Variants in CRIP3 observed in about 807,000 individuals in gnomAD.
The protein encoded by CRIP3 is cysteine-rich protein 3.
CRIP3 carries 23 observed loss-of-function variants against 30.3 expected under a neutral mutation model. The ratio of observed to expected loss-of-function variants is 0.76; its 90% CI spans 0.55 to 1.08. CRIP3 has a LOEUF of 1.08. CRIP3 is among the 50% of genes least tolerant of loss of function. The pLI, the probability that CRIP3 is intolerant of heterozygous loss-of-function variation, is 0.00. For synonymous variants in CRIP3, 89 were observed against 97.6 expected, an observed-to-expected ratio of 0.91 and a Z score of 0.52; for missense variants, 261 against 259.3, an observed-to-expected ratio of 1.01 and a Z score of -0.04.
At chr6:43,307,451 GA>G (rs1280540029) in intron 4 of CRIP3, 160 bp downstream of exon 4, 65 of 620,612 alleles carry the variant, frequency 1.0e-4, no homozygotes, top group East Asian at 2.3e-4. Flanking sequence ...AAGAAAGAAA[GA>G]AAAAAAAAGC....
intron 2 of CRIP3, 141 bp from the exon 3 acceptor site, chr6:43,308,037 CATGCCAG>C: frequency 5.6e-6 from 5 of 895,554 alleles, no homozygotes; most frequent in Non-Finnish European, 7.0e-6. Flanking sequence ...GATGGGCTGG[CATGCCAG>C]CATTTCCACT....
chr6:43,308,475 T>C, intron 1 of CRIP3, 66 bp from the exon 2 acceptor site: 2 of 1,397,258 alleles, frequency 1.4e-6, no homozygotes, highest in Non-Finnish European at 1.0e-6. Context: ...CTCCTTTCCC[T>C]CTTCGGCCCT....
Position 43,305,607 on chromosome 6 carries a change from G to T in CRIP3, c.*207C>A. The T allele has an allele frequency of 4.7e-6, 3 of 639,004 alleles. No individual in the cohort carries two copies. The highest frequency in any genetic ancestry group is 8.2e-6 in the Non-Finnish European group (3 of 366,456). The allele number at this position is 639,004 out of a possible 1,614,324, so 39.6% of individuals were successfully genotyped here. ...CAGGAGGAGGATACCCTTCAAAACGGGCTGTTCCCTAACCAGATAGAAATG... is the reference window on the plus strand; with the variant it reads ...CAGGAGGAGGATACCCTTCAAAACGTGCTGTTCCCTAACCAGATAGAAATG... On this transcript the variant is annotated 3_prime_UTR_variant, in exon 8 of 8. Coordinates refer to ENST00000372569, the MANE Select transcript of CRIP3 (RefSeq NM_206922.3).
chr6:43,306,178 A>G (rs773447648), intron 6 of CRIP3, 41 bp downstream of exon 6: 9 of 1,614,070 alleles, frequency 5.6e-6, no homozygotes, highest in Non-Finnish European at 7.6e-6. Context: ...TCCCATCTCC[A>G]GCCTCCTCCC....
intron 3 of CRIP3, 26 bp from the exon 4 acceptor site, chr6:43,307,769 G>C (rs1283219582): frequency 6.2e-7 from 1 of 1,607,200 alleles, no homozygotes; most frequent in East Asian, 2.2e-5. Flanking sequence ...GGGAGGTCAG[G>C]CTTGAGCCCC....
At position 43,305,672 on chromosome 6, in the gene CRIP3, G is replaced by C. The variant is rs1012054530; in HGVS notation, c.*142C>G. On this transcript the variant is annotated 3_prime_UTR_variant, in exon 8 of 8. Transcript: ENST00000372569. The stretch of plus-strand genomic sequence containing the variant: ...TTGGCAGAGAAAGTCTAGACTCTCT[G>C]GCCTACCATGGAGCCTAGGCCCAGG... The C allele has an allele frequency of 3.9e-6, 4 of 1,032,816 alleles. No homozygotes were observed. The highest frequency in any genetic ancestry group is 5.9e-6 in the Non-Finnish European group (4 of 677,274). The allele number at this position is 1,032,816 out of a possible 1,614,324, so 64.0% of individuals were successfully genotyped here. A position where few individuals can be genotyped will look rare whatever the true frequency, so the allele number is the denominator to read the frequency against.
At position 43,308,415 on chromosome 6, in the gene CRIP3, G is replaced by C; in HGVS notation, c.44-6C>G. ...CAGGGAGCTCACCTTCTCAGCTGTG[G>C]AGGACAAAGTGGAACCGAGCTGCGA... On this transcript the variant is annotated splice_region_variant and splice_polypyrimidine_tract_variant and intron_variant, in intron 1 of 7. Coordinates refer to ENST00000372569, the MANE Select transcript of CRIP3 (RefSeq NM_206922.3). The C allele has an allele frequency of 6.2e-7, 1 of 1,612,542 alleles. No homozygotes were observed. Among genetic ancestry groups the C allele is most frequent in the Non-Finnish European group, 8.5e-7 (1 of 1,179,176 alleles).
intron 7 of CRIP3, 39 bp downstream of exon 7, chr6:43,306,028 T>G (rs895215195): frequency 1.9e-6 from 3 of 1,607,806 alleles, no homozygotes; most frequent in East Asian, 2.2e-5. Context: ...ACTTCAGGCA[T>G]GTACATGCCA....
Position 43,308,424 on chromosome 6 carries a change from G to C in CRIP3, c.44-15C>G, listed in dbSNP as rs898027340. 2 of 1,609,116 alleles carry C rather than the reference G, an allele frequency of 1.2e-6. No homozygotes were observed. The highest frequency in any genetic ancestry group is 1.7e-6 in the Non-Finnish European group (2 of 1,176,320). ...CACCTTCTCAGCTGTGGAGGACAAA[G>C]TGGAACCGAGCTGCGAGGAGCCTGT... On this transcript the variant is annotated splice_polypyrimidine_tract_variant and intron_variant, in intron 1 of 7. Transcript: ENST00000372569.
chr6:43,306,593 C>A, intron 4 of CRIP3, 76 bp from the exon 5 acceptor site: 1 of 1,231,632 alleles, frequency 8.1e-7, no homozygotes, highest in South Asian at 1.5e-5. Context: ...TGGTGCTGTC[C>A]TCTTTCAAAA....
rs570046410 is a variant in CRIP3, at chr6:43,307,453, A to G, written c.328+159T>C. 1.7e-4 allele frequency: 115 copies of G among 665,298 alleles called. 1 individual carries two copies. In the East Asian group the frequency reaches 3.5e-3, roughly 20 times the overall value. 41.2% of individuals were successfully genotyped at this position (665,298 alleles called of 1,614,324 possible). The stretch of plus-strand genomic sequence containing the variant: ...ATGAGGGAATAGAAAGAAAGAAAGA[A>G]AAAAAAAGCGGGGAGTAGATAGAGA... On this transcript the variant is annotated intron_variant, in intron 4 of 7. Coordinates refer to ENST00000372569, the MANE Select transcript of CRIP3 (RefSeq NM_206922.3).
In CRIP3 at chr6:43,307,643, C is replaced by G; in HGVS notation, c.297G>C (p.Arg99Ser). 1 of 1,492,132 alleles carries G rather than the reference C, an allele frequency of 6.7e-7. No individual in the cohort carries two copies. The highest frequency in any genetic ancestry group is 8.9e-7 in the Non-Finnish European group (1 of 1,117,794). The allele number at this position is 1,492,132 out of a possible 1,614,324, so 92.4% of individuals were successfully genotyped here. Residue 99 changes from arginine to serine, a missense_variant, in exon 4 of 8, where the codon AGG (arginine) becomes AGC (serine). Physicochemically the swap from Arg to Ser is moderately radical, Grantham distance 110 (BLOSUM62 -1). Transcript: ENST00000372569. The part of the protein sequence containing the change: ...PLSPSSFSPP[R>S]PRTGLPQGKK... ...TGCCTTGGGGGAGGCCAGTCCTTGG[C>G]CTGGGAGGGCTGAAGCTGCTGGGGC...
At chr6:43,306,366 A>T (rs1247300796) in intron 5 of CRIP3, 53 bp from the exon 6 acceptor site, 10 of 1,601,182 alleles carry the variant, frequency 6.2e-6, no homozygotes, top group Non-Finnish European at 8.5e-6. Flanking sequence ...GAGTAGGGAG[A>T]CCTACCTGCC....
At chr6:43,306,003 C>A in intron 7 of CRIP3, 64 bp downstream of exon 7, 1 of 1,605,386 alleles carries the variant, frequency 6.2e-7, no homozygotes, top group Non-Finnish European at 8.5e-7. Context: ...TACCCACAGA[C>A]CATGTACATG....
chr6:43,308,615 G>A (rs777510848), intron 1 of CRIP3, 135 bp downstream of exon 1: 1 of 1,117,334 alleles, frequency 8.9e-7, no homozygotes, highest in Non-Finnish European at 1.3e-6. Flanking sequence ...GTGGGAGCGG[G>A]TGGTGCGGAG....
intron 1 of CRIP3, 65 bp from the exon 2 acceptor site, chr6:43,308,474 C>T (rs760742183): frequency 5.7e-5 from 80 of 1,400,474 alleles, no homozygotes; most frequent in Non-Finnish European, 7.1e-5. Context: ...CCTCCTTTCC[C>T]TCTTCGGCCC....
rs1554192150 is a variant in CRIP3 at position 43,307,856 on chromosome 6, G to A, written c.179C>T (p.Ala60Val). 11 of 1,614,034 alleles carry A rather than the reference G, an allele frequency of 6.8e-6. No homozygotes were observed. The Admixed American group carries it at 8.3e-5, about 12-fold the overall frequency. Reference protein sequence around the residue: ...RPYCHKPCYGALFGPRGVNIG... With the variant: ...RPYCHKPCYGVLFGPRGVNIG... Reference sequence around the variant, plus strand: ...GTACTTACCCCTGGGTCCAAAGAGAGCCCCATAGCATGGCTTGTGGCAGTA... The same window carrying A: ...GTACTTACCCCTGGGTCCAAAGAGAACCCCATAGCATGGCTTGTGGCAGTA... The change falls in exon 3 of 8, where the codon GCT (alanine) becomes GTT (valine). Residue 60 changes from alanine to valine, a missense_variant. By Grantham distance (64) the Ala-to-Val change is moderately conservative (BLOSUM62 0). Coordinates refer to ENST00000372569, the MANE Select transcript of CRIP3 (RefSeq NM_206922.3).
chr6:43,307,838 C>A lies in CRIP3; in HGVS notation c.196+1G>T. ...CATGGCCCCTTAAGGCTGGTACTTA[C>A]CCCTGGGTCCAAAGAGAGCCCCATA... is the stretch of plus-strand genomic sequence containing the variant. On this transcript the variant is annotated splice_donor_variant, in intron 3 of 7. Transcript: ENST00000372569. LOFTEE classifies it high-confidence loss of function. 1 of 1,614,032 alleles carries A rather than the reference C, an allele frequency of 6.2e-7. No individual in the cohort carries two copies. The highest frequency in any genetic ancestry group is 1.3e-5 in the African/African-American group (1 of 75,056).
rs1310547466 is a variant in CRIP3 at position 43,306,275 on chromosome 6, G to A, written c.439C>T (p.Pro147Ser). 6.2e-7 allele frequency: 1 copy of A among 1,614,142 alleles called. No homozygotes were observed. Among genetic ancestry groups the A allele is most frequent in the South Asian group, 1.1e-5 (1 of 91,076 alleles). The change falls in exon 6 of 8, where the codon CCG becomes TCG. Residue 147 changes from proline (P) to serine (S), a missense_variant. Coordinates refer to ENST00000372569, the MANE Select transcript of CRIP3 (RefSeq NM_206922.3). ...TGGCAACGCTGGCACCTCAGACACG[G>A]TCGGTGCCAATTTCTGCCTAATGAC... is the stretch of plus-strand genomic sequence containing the variant. The part of the protein sequence containing the change: ...VMSLGRNWHR[P>S]CLRCQRCHKT...
Sources: allele counts gnomAD v4.1 joint callset, GRCh38; gene constraint gnomAD v4.1.1; transcripts MANE v1.5; gene names NCBI Gene and HGNC (gene_info 2026-07-23, HGNC 2026-07-21).